HUWE1: variants seen among roughly 807,000 people sequenced by gnomAD.
The protein encoded by HUWE1 is E3 ubiquitin-protein ligase HUWE1.
In HUWE1, 18 loss-of-function variants were observed where a neutral mutation model predicts 299.4. That is an observed-to-expected ratio of 0.06 (90% CI 0.04 to 0.09). HUWE1 has a LOEUF of 0.09. Among genes scored for constraint, HUWE1 ranks in the 10% least tolerant of loss-of-function variants. The probability of loss-of-function intolerance (pLI) is 1.00; values close to 1 mark genes in which losing one functional copy is unlikely to be tolerated. For synonymous variants in HUWE1, 1,317 were observed against 1,286.1 expected (o/e 1.02, Z -0.51); for missense variants, 1,832 against 3,462.3 (o/e 0.53, Z 11.82).
At chrX:53,569,901 C>G (rs1362843799) in intron 47 of HUWE1, 74 bp from the exon 48 acceptor site, 2 of 844,688 alleles carry the variant, frequency 2.4e-6, no homozygotes, top group Non-Finnish European at 3.5e-6. Flanking sequence ...ACCAAAGATA[C>G]ACACACACAT....
intron 60 of HUWE1, among the ~76,000 whole-genome samples, chrX:53,556,634 AACATACGGCAGTCAT>A (rs1394946650): frequency 8.9e-6 from 1 of 111,763 alleles, no homozygotes; most frequent in Non-Finnish European, 1.9e-5. Context: ...GGGAATAGGA[AACATACGGCAGTCAT>A]ACCACTAAGC....
intron 81 of HUWE1, among the ~76,000 whole-genome samples, chrX:53,534,908 G>A (rs991093921): frequency 4.3e-4 from 47 of 109,286 alleles, no homozygotes; most frequent in Admixed American, 2.0e-4. Context: ...TTACAAATGT[G>A]AGCCACTGTG....
chrX:53,662,368 C>T (rs889116285), intron 3 of HUWE1, among the ~76,000 whole-genome samples: 1 of 111,665 alleles, frequency 9.0e-6, no homozygotes, highest in Non-Finnish European at 1.9e-5. Flanking sequence ...GTTCTTGGAA[C>T]ACTCTAATTT....
intron 42 of HUWE1, among the ~76,000 whole-genome samples, chrX:53,582,001 C>G (rs1448830785): frequency 9.0e-6 from 1 of 111,705 alleles, no homozygotes; most frequent in East Asian, 2.8e-4. Flanking sequence ...TGTGGCTACA[C>G]CAATTTCCAC....
intron 28 of HUWE1, among the ~76,000 whole-genome samples, chrX:53,601,380 C>T (rs999209466): frequency 9.1e-6 from 1 of 109,565 alleles, no homozygotes; most frequent in African/African-American, 3.3e-5. Context: ...GATAGAGTTT[C>T]GTCATGTTGC....
chrX:53,542,845 T>TTGTGTGTGTGTGTG lies in HUWE1; in HGVS notation c.11380-320_11380-307dup, dbSNP rs57187405. The TTGTGTGTGTGTGTG allele has an allele frequency of 1.1e-3, 173 of 164,043 alleles. 2 individuals are homozygous for TTGTGTGTGTGTGTG. Among genetic ancestry groups the TTGTGTGTGTGTGTG allele is most frequent in the Non-Finnish European group, 1.6e-3 (143 of 89,030 alleles). 13.5% of individuals were successfully genotyped at this position (164,043 alleles called of 1,213,427 possible). A position where few individuals can be genotyped will look rare whatever the true frequency, so the allele number is the denominator to read the frequency against. ...TATATAGACTTCAAGTCTTCTTCTGTTGTGTGTGTGTGTGTGTGTGTGTGT... is the reference window on the plus strand; with the variant it reads ...TATATAGACTTCAAGTCTTCTTCTGTTGTGTGTGTGTGTGTGTGTGTGTGTGTGTGTGTGTGTGT... On this transcript the variant is annotated intron_variant, in intron 73 of 83. Coordinates refer to ENST00000262854, the MANE Select transcript of HUWE1 (RefSeq NM_031407.7).
intron 23 of HUWE1, among the ~76,000 whole-genome samples, chrX:53,612,913 T>C (rs995875663): frequency 1.5e-4 from 17 of 111,440 alleles, no homozygotes; most frequent in African/African-American, 5.6e-4. Flanking sequence ...GCACATCAGA[T>C]GTAAGGCATC....
chrX:53,585,319 C>T (rs1337464552), intron 39 of HUWE1, 131 bp from the exon 40 acceptor site: 1 of 636,148 alleles, frequency 1.6e-6, no homozygotes, highest in African/African-American at 2.2e-5. Context: ...ATTTTAAAAA[C>T]CAAAAGAACA....
chrX:53,533,760 C>G, intron 83 of HUWE1: 1 of 449,272 alleles, frequency 2.2e-6, no homozygotes, highest in Non-Finnish European at 3.9e-6. Flanking sequence ...TTGCTCCAGT[C>G]ACGCTGGCCC....
At chrX:53,654,012 T>A (rs1557041683) in intron 4 of HUWE1, 51 bp downstream of exon 4, 1 of 915,975 alleles carries the variant, frequency 1.1e-6, no homozygotes, top group African/African-American at 2.0e-5. Flanking sequence ...CAAATATTTT[T>A]TTATTTTTTA....
chrX:53,628,971 C>T (rs1557020368), intron 13 of HUWE1, 69 bp from the exon 14 acceptor site: 1 of 935,511 alleles, frequency 1.1e-6, no homozygotes, highest in Non-Finnish European at 1.5e-6. Context: ...GTTCCAGTTG[C>T]TAATATCCAA....
At chrX:53,551,826 T>C (rs2061778867) in intron 63 of HUWE1, among the ~76,000 whole-genome samples, 1 of 111,566 alleles carries the variant, frequency 9.0e-6, no homozygotes, top group South Asian at 3.8e-4. Flanking sequence ...CACACCTCTA[T>C]TGGTGCCTAA....
At chrX:53,645,283 C>T (rs1557034638) in intron 7 of HUWE1, 28 bp downstream of exon 7, 1 of 1,208,194 alleles carries the variant, frequency 8.3e-7, no homozygotes, top group East Asian at 3.0e-5. Flanking sequence ...AATTTTTGCA[C>T]CCCTCCAACT....
At chrX:53,609,530 C>A (rs1557000113) in intron 23 of HUWE1, among the ~76,000 whole-genome samples, 1 of 112,208 alleles carries the variant, frequency 8.9e-6, no homozygotes, top group Non-Finnish European at 1.9e-5. Flanking sequence ...CCTGAACTAT[C>A]AAAAAACTGA....
At chrX:53,676,438 G>C (rs1269915529) in intron 3 of HUWE1, among the ~76,000 whole-genome samples, 1 of 111,665 alleles carries the variant, frequency 9.0e-6, no homozygotes, top group East Asian at 2.8e-4. Flanking sequence ...TAATAAAAAG[G>C]TAGAGAAGAA....
chrX:53,571,399 G>A (rs1466496420), intron 47 of HUWE1, among the ~76,000 whole-genome samples: 1 of 111,586 alleles, frequency 9.0e-6, no homozygotes, highest in African/African-American at 3.3e-5. Flanking sequence ...ATCACTTGAG[G>A]CCAGAAGTTT....
intron 50 of HUWE1, 123 bp from the exon 51 acceptor site, chrX:53,564,845 C>T (rs181312200): frequency 4.9e-5 from 46 of 940,022 alleles, no homozygotes; most frequent in Non-Finnish European, 4.6e-6. Flanking sequence ...AGAGAATAAA[C>T]GAATGGGTGA....
At position 53,549,156 on chromosome X, in the gene HUWE1, A is replaced by T. The variant is rs782415391; in HGVS notation, c.9838T>A (p.Ser3280Thr). The T allele has an allele frequency of 2.5e-6, 3 of 1,211,964 alleles. No homozygotes were observed. Among genetic ancestry groups the T allele is most frequent in the Non-Finnish European group, 3.4e-6 (3 of 895,440 alleles). ...DLLHKMESKS[S>T]NQLSWLSVSM... ...ACTGAGAGCCAGGAAAGCTGGTTGG[A>T]GCTCTTTGACTCCATCTTGTGTAGC... The change falls in exon 67 of 84, where the codon TCC becomes ACC. Residue 3280 changes from serine (S) to threonine (T), a missense_variant. By Grantham distance (58) the Ser-to-Thr change is moderately conservative. This residue lies in a region of HUWE1 where 80 missense variants were observed against 142.1 expected (regional missense o/e 0.56). Coordinates refer to ENST00000262854, the MANE Select transcript of HUWE1 (RefSeq NM_031407.7).
intron 3 of HUWE1, among the ~76,000 whole-genome samples, chrX:53,658,418 A>G (rs1557043914): frequency 8.9e-6 from 1 of 111,817 alleles, no homozygotes; most frequent in Non-Finnish European, 1.9e-5. Context: ...ACAATATCAA[A>G]GGAGAAGAAC....
Sources: allele counts gnomAD v4.1 joint callset (sites outside exome capture counted in the v4.1 genomes callset), GRCh38; gene constraint gnomAD v4.1.1; regional missense constraint gnomAD v4.1.1; transcripts MANE v1.5; gene names NCBI Gene and HGNC (gene_info 2026-07-23, HGNC 2026-07-21).